Variants in FHOD3 observed in about 807,000 individuals in gnomAD.
FHOD3 encodes formin homology 2 domain containing 3, also known as FH1/FH2 domain-containing protein 3.
Under a neutral mutation model 173.0 loss-of-function variants are expected in FHOD3, and 90 were observed. That is an observed-to-expected ratio of 0.52 (90% CI 0.44 to 0.62). The LOEUF is 0.62. Ranked by LOEUF, FHOD3 falls within the 20% of genes least tolerant of loss-of-function variation. The pLI is 0.00. For missense variants in FHOD3, 1,945 were observed against 2,034.7 expected (o/e 0.96, Z 0.85); for synonymous variants, 828 against 823.0 (o/e 1.01, Z -0.10).
intron 18 of FHOD3, chr18:36,710,963 C>T (rs1051634457): frequency 3.3e-5 from 5 of 152,102 alleles, no homozygotes; most frequent in Non-Finnish European, 5.9e-5. Context: ...AAAAATATAC[C>T]AGGCGACAGG....
At chr18:36,338,972 G>T (rs1485012843) in intron 1 of FHOD3, among the ~76,000 whole-genome samples, 1 of 152,114 alleles carries the variant, frequency 6.6e-6, no homozygotes, top group Non-Finnish European at 1.5e-5. Flanking sequence ...TGGGATTCCT[G>T]AGTTTCTGCT....
In FHOD3 at chr18:36,746,994, G is replaced by A; in HGVS notation, c.4091G>A (p.Cys1364Tyr). The A allele has an allele frequency of 6.2e-7, 1 of 1,612,918 alleles. No homozygotes were observed. Among genetic ancestry groups the A allele is most frequent in the Non-Finnish European group, 8.5e-7 (1 of 1,179,748 alleles). The stretch of plus-strand genomic sequence containing the variant: ...AATTTATGTCAGATGGAGAGAAGAT[G>A]CAAAGCTTCATGGGATCACCTCAAG... ...QDNLCQMERR[C>Y]KASWDHLKAI... Residue 1364 changes from cysteine to tyrosine, a missense_variant, in exon 24 of 29, where the codon TGC becomes TAC. Physicochemically the swap from Cys to Tyr is radical, Grantham distance 194. Coordinates refer to ENST00000590592, the MANE Select transcript of FHOD3 (RefSeq NM_001281740.3).
intron 25 of FHOD3, among the ~76,000 whole-genome samples, chr18:36,756,668 G>A (rs1342896949): frequency 6.6e-6 from 1 of 152,186 alleles, no homozygotes; most frequent in African/African-American, 2.4e-5. Flanking sequence ...CATTAACTTA[G>A]CAATTTTGTT....
chr18:36,306,238 G>T (rs998655368), intron 1 of FHOD3, among the ~76,000 whole-genome samples: 23 of 152,224 alleles, frequency 1.5e-4, no homozygotes, highest in Non-Finnish European at 1.5e-5. Flanking sequence ...GGTGGAGAGT[G>T]TGGAGGGCTC....
At chr18:36,428,239 A>T (rs1387736379) in intron 3 of FHOD3, among the ~76,000 whole-genome samples, 1 of 152,150 alleles carries the variant, frequency 6.6e-6, no homozygotes, top group East Asian at 1.9e-4. Flanking sequence ...AGCAGATGAT[A>T]AATTCTTAGA....
chr18:36,409,416 C>A (rs548304079), intron 3 of FHOD3, among the ~76,000 whole-genome samples: 2 of 152,246 alleles, frequency 1.3e-5, no homozygotes, highest in East Asian at 3.9e-4. Flanking sequence ...TAGCTCGTTG[C>A]TGTCTTGCAC....
chr18:36,697,904 G>C (rs1011242408), intron 17 of FHOD3, among the ~76,000 whole-genome samples: 1 of 152,096 alleles, frequency 6.6e-6, no homozygotes, highest in Non-Finnish European at 1.5e-5. Flanking sequence ...TGTCATCTTC[G>C]TTGTGGAAGA....
At chr18:36,701,192 T>C (rs1369707989) in intron 17 of FHOD3, among the ~76,000 whole-genome samples, 2 of 152,186 alleles carry the variant, frequency 1.3e-5, no homozygotes, top group Non-Finnish European at 2.9e-5. Flanking sequence ...CTGTTTCCTC[T>C]CTACCCAGGA....
In FHOD3 at chr18:36,440,042, TC is replaced by T. The variant is rs975390761; in HGVS notation, c.338-61889del. On this transcript the variant is annotated intron_variant, in intron 3 of 28. Transcript: ENST00000590592. ...GCTGTCTGGGTATCCCTTAGCCCAGTCAAGTTGACACTTAACCTCCACCATC... is the reference window on the plus strand; with the variant it reads ...GCTGTCTGGGTATCCCTTAGCCCAGTAAGTTGACACTTAACCTCCACCATC... 5.9e-5 allele frequency among the ~76,000 whole-genome samples: 9 copies of T among 152,276 alleles called. No individual in the cohort carries two copies. In the South Asian group the frequency reaches 1.9e-3, roughly 32 times the overall value.
At chr18:36,338,554 A>G (rs1478009351) in intron 1 of FHOD3, among the ~76,000 whole-genome samples, 3 of 152,216 alleles carry the variant, frequency 2.0e-5, no homozygotes, top group Non-Finnish European at 4.4e-5. Context: ...GCTGTGATAG[A>G]TAACAGGCTG....
At chr18:36,629,917 G>A (rs1401979349) in intron 10 of FHOD3, among the ~76,000 whole-genome samples, 1 of 152,056 alleles carries the variant, frequency 6.6e-6, no homozygotes, top group Non-Finnish European at 1.5e-5. Context: ...TAACTGGGAC[G>A]GGGTGGTGCT....
At chr18:36,380,367 G>A (rs949406875) in intron 3 of FHOD3, among the ~76,000 whole-genome samples, 3 of 152,100 alleles carry the variant, frequency 2.0e-5, no homozygotes, top group African/African-American at 7.2e-5. Flanking sequence ...TATCTTGCTA[G>A]GATGTAGAGA....
intron 3 of FHOD3, among the ~76,000 whole-genome samples, chr18:36,494,846 T>C (rs1186986038): frequency 6.6e-6 from 1 of 151,942 alleles, no homozygotes; most frequent in Non-Finnish European, 1.5e-5. Flanking sequence ...CTGTTATACT[T>C]TTTTTTTGTT....
chr18:36,455,419 T>C (rs1041843693), intron 3 of FHOD3, among the ~76,000 whole-genome samples: 15 of 152,344 alleles, frequency 9.8e-5, no homozygotes, highest in Admixed American at 7.8e-4. Flanking sequence ...AACATTTTCA[T>C]TGTTTCACAG....
At chr18:36,655,989 G>T (rs897426102) in intron 13 of FHOD3, among the ~76,000 whole-genome samples, 1 of 152,210 alleles carries the variant, frequency 6.6e-6, no homozygotes, top group Non-Finnish European at 1.5e-5. Context: ...ACTTGTGGTG[G>T]GAAGGGAATT....
chr18:36,410,037 ACTCAC>A (rs1266431128), intron 3 of FHOD3, among the ~76,000 whole-genome samples: 3 of 152,136 alleles, frequency 2.0e-5, no homozygotes, highest in Non-Finnish European at 4.4e-5. Flanking sequence ...TATACAATTC[ACTCAC>A]CTAAAGTGTC....
At chr18:36,742,557 G>A (rs1317654850) in intron 21 of FHOD3, among the ~76,000 whole-genome samples, 180 bp from the exon 22 acceptor site, 1 of 152,110 alleles carries the variant, frequency 6.6e-6, no homozygotes, top group Non-Finnish European at 1.5e-5. Flanking sequence ...CCACTGCAGG[G>A]TCTGGGGAGT....
rs559365288 is a variant in FHOD3, at chr18:36,576,274, G to C, written c.512-177G>C. 6.6e-5 allele frequency among the ~76,000 whole-genome samples: 10 copies of C among 152,282 alleles called. No homozygotes were observed. The South Asian group carries it at 2.1e-3, about 32-fold the overall frequency. On this transcript the variant is annotated intron_variant, in intron 5 of 28. Coordinates refer to ENST00000590592, the MANE Select transcript of FHOD3 (RefSeq NM_001281740.3). ...ATAGCCCTTGTTTCTTCTAGTGTTCGACACTTTCTCTCTGAAATGAGATTT... is the reference window on the plus strand; with the variant it reads ...ATAGCCCTTGTTTCTTCTAGTGTTCCACACTTTCTCTCTGAAATGAGATTT...
chr18:36,473,138 A>T (rs564980144), intron 3 of FHOD3, among the ~76,000 whole-genome samples: 1 of 152,304 alleles, frequency 6.6e-6, no homozygotes, highest in African/African-American at 2.4e-5. Context: ...GGAGCTTGTT[A>T]GAAATGCACC....
Sources: allele counts gnomAD v4.1 joint callset (sites outside exome capture counted in the v4.1 genomes callset), GRCh38; gene constraint gnomAD v4.1.1; transcripts MANE v1.5; gene names NCBI Gene and HGNC (gene_info 2026-07-23, HGNC 2026-07-21).